Variants in TLN2 observed in about 807,000 individuals in gnomAD.
TLN2 encodes the protein talin 2.
A neutral mutation model predicts 294.7 loss-of-function variants in TLN2; 118 were observed. The observed-to-expected ratio is 0.40, with a 90% CI of 0.34 to 0.47. The LOEUF (loss-of-function observed/expected upper bound fraction) is 0.47. TLN2 is among the 20% of genes least tolerant of loss of function. The pLI is 0.84. For synonymous variants in TLN2, 1,431 were observed against 1,304.5 expected (o/e 1.10, Z -2.09); for missense variants, 3,083 against 3,282.2 (o/e 0.94, Z 1.48).
At chr15:62,740,221 T>C (rs2061250231) in intron 31 of TLN2, among the ~76,000 whole-genome samples, 2 of 152,118 alleles carry the variant, frequency 1.3e-5, no homozygotes, top group African/African-American at 4.8e-5. Flanking sequence ...GAGACAGTGC[T>C]GGTCGTTTGT....
chr15:62,660,951 G>C (rs1159478018), intron 9 of TLN2, among the ~76,000 whole-genome samples: 1 of 152,180 alleles, frequency 6.6e-6, no homozygotes, highest in Non-Finnish European at 1.5e-5. Flanking sequence ...GTCTATTCAG[G>C]AAGTAGACTA....
At chr15:62,479,761 C>G (rs930829442) in intron 1 of TLN2, among the ~76,000 whole-genome samples, 2 of 152,252 alleles carry the variant, frequency 1.3e-5, no homozygotes, top group African/African-American at 2.4e-5. Context: ...GCTGGGATTA[C>G]AGGTGTGAGC....
intron 22 of TLN2, among the ~76,000 whole-genome samples, chr15:62,712,327 C>T (rs1308979976): frequency 6.6e-6 from 1 of 152,166 alleles, no homozygotes; most frequent in Non-Finnish European, 1.5e-5. Context: ...CCTCTTTTTC[C>T]ATTTGGTCAT....
intron 1 of TLN2, among the ~76,000 whole-genome samples, chr15:62,483,609 A>G (rs968150623): frequency 2.0e-5 from 3 of 152,040 alleles, no homozygotes; most frequent in African/African-American, 7.3e-5. Context: ...CTTCCTCTGG[A>G]ATTGCTCTCC....
Position 62,836,066 on chromosome 15 carries a change from G to A in TLN2, c.7367G>A (p.Arg2456Gln), listed in dbSNP as rs757298736. 1.2e-5 allele frequency: 20 copies of A among 1,608,842 alleles called. No individual in the cohort carries two copies. Among genetic ancestry groups the A allele is most frequent in the Non-Finnish European group, 1.5e-5 (18 of 1,177,848 alleles). The change falls in exon 57 of 59, where the codon CGG (arginine) becomes CAG (glutamine). Residue 2456 changes from arginine to glutamine, a missense_variant. Coordinates refer to ENST00000636159, the MANE Select transcript of TLN2 (RefSeq NM_015059.3). ...KADQDSEAMRRLQAAGNAVKR... is the reference protein window; with the variant it reads ...KADQDSEAMRQLQAAGNAVKR... ...GACCAGGATTCAGAGGCCATGAGGC[G>A]GCTACAGGTAATGGTCACTGATGCT...
intron 28 of TLN2, among the ~76,000 whole-genome samples, chr15:62,732,754 G>A (rs1346769596): frequency 6.6e-6 from 1 of 152,168 alleles, no homozygotes; most frequent in Admixed American, 6.5e-5. Context: ...CTTGGTGACT[G>A]GTTAGAAGTT....
intron 27 of TLN2, 96 bp from the exon 28 acceptor site, chr15:62,726,991 C>A (rs2060474915): frequency 9.2e-6 from 12 of 1,298,576 alleles, no homozygotes; most frequent in Non-Finnish European, 1.2e-5. Flanking sequence ...AGCTAGGGCT[C>A]AAAGTTTGAT....
At chr15:62,391,533 T>C (rs1029122159) in intron 1 of TLN2, among the ~76,000 whole-genome samples, 6 of 152,216 alleles carry the variant, frequency 3.9e-5, no homozygotes, top group African/African-American at 1.4e-4. Context: ...GCGCCATATT[T>C]TCAGTGGGTC....
At chr15:62,506,315 T>A (rs1212434947) in intron 1 of TLN2, among the ~76,000 whole-genome samples, 2 of 152,188 alleles carry the variant, frequency 1.3e-5, no homozygotes, top group African/African-American at 4.8e-5. Flanking sequence ...CTGGACTGGG[T>A]CAGACCTTTT....
rs115269247 is a variant in TLN2, at chr15:62,718,925, C to A, written c.2878-842C>A. On this transcript the variant is annotated intron_variant, in intron 24 of 58. Transcript: ENST00000636159. Reference sequence around the variant, plus strand: ...GAGTGGAGCAAATGACTAGAACTAGCAGAACTGGCAGTCCTAAAGGGGGCC... The same window carrying A: ...GAGTGGAGCAAATGACTAGAACTAGAAGAACTGGCAGTCCTAAAGGGGGCC... 7.0e-3 allele frequency among the ~76,000 whole-genome samples: 1,061 copies of A among 152,230 alleles called. 10 individuals are homozygous for A. Among genetic ancestry groups the A allele is most frequent in the African/African-American group, 0.022 (913 of 41,540 alleles).
At chr15:62,621,114 C>T (rs1293348956) in intron 3 of TLN2, among the ~76,000 whole-genome samples, 1 of 152,154 alleles carries the variant, frequency 6.6e-6, no homozygotes, top group East Asian at 1.9e-4. Flanking sequence ...GCTGGGATTA[C>T]AGGTGTGAGC....
chr15:62,463,844 G>A (rs979278007), intron 1 of TLN2, among the ~76,000 whole-genome samples: 10 of 152,124 alleles, frequency 6.6e-5, no homozygotes, highest in Admixed American at 1.3e-4. Context: ...CTGAGATCGC[G>A]CCACTGCACT....
At chr15:62,748,075 T>C (rs2061713604) in intron 32 of TLN2, among the ~76,000 whole-genome samples, 1 of 151,958 alleles carries the variant, frequency 6.6e-6, no homozygotes, top group Non-Finnish European at 1.5e-5. Flanking sequence ...TATAAGCAGA[T>C]TTGCACAGTG....
intron 3 of TLN2, chr15:62,644,587 CTCCT>C (rs1567249096): frequency 2.2e-6 from 1 of 456,174 alleles, no homozygotes; most frequent in African/African-American, 2.0e-5. Flanking sequence ...TTCTGCTTCT[CTCCT>C]TCCTGTCTGC....
At chr15:62,673,291 T>C (rs1381860023) in intron 9 of TLN2, among the ~76,000 whole-genome samples, 1 of 149,238 alleles carries the variant, frequency 6.7e-6, no homozygotes, top group East Asian at 2.0e-4. Context: ...TTTAGTTTGC[T>C]TTAGATTTTT....
chr15:62,827,145 G>A (rs992539441), intron 54 of TLN2, among the ~76,000 whole-genome samples: 6 of 152,182 alleles, frequency 3.9e-5, no homozygotes, highest in Admixed American at 6.5e-5. Context: ...TCACCTTCAA[G>A]TTCATTGGCG....
intron 1 of TLN2, among the ~76,000 whole-genome samples, chr15:62,507,111 A>C (rs1327146335): frequency 6.6e-6 from 1 of 152,242 alleles, no homozygotes; most frequent in Non-Finnish European, 1.5e-5. Flanking sequence ...GAATTGATCC[A>C]GAAATTGGTA....
At chr15:62,719,904 G>A (rs1372144189) in intron 25 of TLN2, 24 bp downstream of exon 25, 10 of 1,565,932 alleles carry the variant, frequency 6.4e-6, no homozygotes, top group Non-Finnish European at 8.7e-6. Flanking sequence ...GGTCACCTTG[G>A]GCTCACTCAG....
intron 1 of TLN2, among the ~76,000 whole-genome samples, chr15:62,483,049 T>C (rs2038195456): frequency 6.6e-6 from 1 of 152,352 alleles, no homozygotes; most frequent in South Asian, 2.1e-4. Context: ...CTTGCCTGTC[T>C]TCCTTGCCCA....
Sources: allele counts gnomAD v4.1 joint callset (sites outside exome capture counted in the v4.1 genomes callset), GRCh38; gene constraint gnomAD v4.1.1; transcripts MANE v1.5; gene names NCBI Gene and HGNC (gene_info 2026-07-23, HGNC 2026-07-21).